Variants in PLD5 observed in about 807,000 individuals in gnomAD.
The protein encoded by PLD5 is phospholipase D family member 5.
Under a neutral mutation model 61.1 loss-of-function variants are expected in PLD5, and 36 were observed. The observed-to-expected ratio is 0.59, with a 90% CI of 0.45 to 0.78. The LOEUF (loss-of-function observed/expected upper bound fraction) is 0.78, where lower values mean the gene tolerates loss of function less well. PLD5 is among the 30% of genes least tolerant of loss of function. PLD5 has a pLI of 0.00. For synonymous variants in PLD5, 243 were observed against 242.8 expected, an observed-to-expected ratio of 1.00 and a Z score of -0.01; for missense variants, 515 against 644.4, an observed-to-expected ratio of 0.80 and a Z score of 2.17.
chr1:242,184,693 T>G lies in PLD5; in HGVS notation c.735+35295A>C, dbSNP rs114499252. On this transcript the variant is annotated intron_variant, in intron 5 of 9. Coordinates refer to ENST00000536534, the MANE Select transcript of PLD5 (RefSeq NM_001372062.1). ...TCAGTTGTCTTCTGACTCTGAGAAGTTAAGATTCAACTGATTTTTAAACTT... is the reference window on the plus strand; with the variant it reads ...TCAGTTGTCTTCTGACTCTGAGAAGGTAAGATTCAACTGATTTTTAAACTT... Among the ~76,000 whole-genome samples, 406 of 152,352 alleles carry G rather than the reference T, an allele frequency of 2.7e-3. 1 individual carries two copies. Among genetic ancestry groups the G allele is most frequent in the Non-Finnish European group, 4.5e-3 (307 of 68,032 alleles).
chr1:242,294,949 G>A (rs1675566196), intron 2 of PLD5, among the ~76,000 whole-genome samples: 2 of 152,130 alleles, frequency 1.3e-5, no homozygotes, highest in Admixed American at 1.3e-4. Flanking sequence ...CTAATGCACT[G>A]GATCAGTTAT....
chr1:242,413,226 T>C (rs1392220774), intron 1 of PLD5, among the ~76,000 whole-genome samples: 1 of 152,164 alleles, frequency 6.6e-6, no homozygotes, highest in African/African-American at 2.4e-5. Context: ...AAAATGCTCT[T>C]TCTTTTTGAG....
At chr1:242,370,770 T>A (rs1571996455) in intron 1 of PLD5, among the ~76,000 whole-genome samples, 1 of 152,096 alleles carries the variant, frequency 6.6e-6, no homozygotes, top group East Asian at 1.9e-4. Flanking sequence ...TCTATCCCCC[T>A]CCCCTATATT....
At chr1:242,164,752 C>T (rs1666177821) in intron 5 of PLD5, among the ~76,000 whole-genome samples, 1 of 152,174 alleles carries the variant, frequency 6.6e-6, no homozygotes, top group African/African-American at 2.4e-5. Flanking sequence ...CCTAAGTTAT[C>T]TCACTTGAGC....
In PLD5 at chr1:242,174,577, C is replaced by T. The variant is rs141469669; in HGVS notation, c.735+45411G>A. Among the ~76,000 whole-genome samples, 508 of 152,302 alleles carry T rather than the reference C, an allele frequency of 3.3e-3. 19 individuals are homozygous for T. In the East Asian group the frequency reaches 0.06, roughly 18 times the overall value. The stretch of plus-strand genomic sequence containing the variant: ...TGTACCCAAAGGATTATAAATCATG[C>T]TACTATAAAGACACATGCGCATGTA... On this transcript the variant is annotated intron_variant, in intron 5 of 9. Transcript: ENST00000536534.
intron 1 of PLD5, among the ~76,000 whole-genome samples, chr1:242,454,580 A>G (rs1478036531): frequency 6.6e-6 from 1 of 152,192 alleles, no homozygotes; most frequent in African/African-American, 2.4e-5. Flanking sequence ...GACACAGGGG[A>G]AAACATATTT....
intron 1 of PLD5, among the ~76,000 whole-genome samples, chr1:242,424,647 T>C (rs6657483): frequency 0.44 from 66,706 of 151,808 alleles, 15,631 homozygotes; most frequent in African/African-American, 0.61. Flanking sequence ...CCAAATTGGG[T>C]TTCCTCTCTG....
intron 5 of PLD5, among the ~76,000 whole-genome samples, chr1:242,176,264 C>A (rs1032855548): frequency 1.3e-4 from 20 of 152,000 alleles, no homozygotes; most frequent in African/African-American, 4.1e-4. Context: ...CAGAACAGAG[C>A]CCTCAGAAAT....
intron 1 of PLD5, among the ~76,000 whole-genome samples, chr1:242,404,834 T>C (rs1199082770): frequency 1.3e-5 from 2 of 150,812 alleles, no homozygotes; most frequent in Admixed American, 6.6e-5. Context: ...ATTATTGCAA[T>C]TGCTCTATGT....
chr1:242,101,573 C>A (rs1417886699), intron 8 of PLD5, among the ~76,000 whole-genome samples: 1 of 152,122 alleles, frequency 6.6e-6, no homozygotes, highest in Non-Finnish European at 1.5e-5. Flanking sequence ...TCAGGTATCC[C>A]CTATATGGGA....
At chr1:242,251,179 T>A (rs2754392) in intron 4 of PLD5, among the ~76,000 whole-genome samples, 53 of 152,152 alleles carry the variant, frequency 3.5e-4, no homozygotes, top group African/African-American at 1.3e-3. Flanking sequence ...GCCTGGAACT[T>A]AGGAAAAACA....
At chr1:242,182,719 C>T (rs1189618518) in intron 5 of PLD5, among the ~76,000 whole-genome samples, 3 of 151,942 alleles carry the variant, frequency 2.0e-5, no homozygotes, top group South Asian at 2.1e-4. Context: ...GGCACACGCC[C>T]GAAATCCCAG....
chr1:242,371,570 C>T (rs899265676), intron 1 of PLD5, among the ~76,000 whole-genome samples: 1 of 152,036 alleles, frequency 6.6e-6, no homozygotes, highest in Admixed American at 6.6e-5. Context: ...CTTTATTTAT[C>T]CCTTCACCAC....
rs191229141 is a variant in PLD5 at position 242,117,347 on chromosome 1, G to T, written c.934-3321C>A. Among the ~76,000 whole-genome samples, 81 of 151,126 alleles carry T rather than the reference G, an allele frequency of 5.4e-4. 3 individuals carry two copies. In the South Asian group the frequency reaches 0.015, roughly 29 times the overall value. ...TGTCTATCAAAGTCCTACTAATTCT[G>T]TTCTCTGAATTCCAGCTCAAATGTG... On this transcript the variant is annotated intron_variant, in intron 6 of 9. Coordinates refer to ENST00000536534, the MANE Select transcript of PLD5 (RefSeq NM_001372062.1).
At chr1:242,522,743 G>A (rs751579583) in intron 1 of PLD5, among the ~76,000 whole-genome samples, 11 of 152,174 alleles carry the variant, frequency 7.2e-5, no homozygotes, top group Non-Finnish European at 1.0e-4. Context: ...TCTGGAGAGG[G>A]CATGTTTAAT....
intron 4 of PLD5, among the ~76,000 whole-genome samples, chr1:242,262,699 G>A (rs547379137): frequency 1.8e-4 from 27 of 152,254 alleles, no homozygotes; most frequent in African/African-American, 5.1e-4. Flanking sequence ...TGTGGCGTAC[G>A]AGAGCGTGGA....
intron 3 of PLD5, among the ~76,000 whole-genome samples, chr1:242,271,563 G>C (rs1271113104): frequency 2.0e-5 from 3 of 152,064 alleles, no homozygotes; most frequent in Non-Finnish European, 2.9e-5. Flanking sequence ...GCAAGTACAT[G>C]GTTGTATAGC....
At chr1:242,478,427 G>C (rs563155341) in intron 1 of PLD5, among the ~76,000 whole-genome samples, 18 of 152,274 alleles carry the variant, frequency 1.2e-4, no homozygotes, top group African/African-American at 4.3e-4. Flanking sequence ...GAATAGGAGA[G>C]AGGTGACTGA....
At chr1:242,424,446 T>A (rs1301456925) in intron 1 of PLD5, among the ~76,000 whole-genome samples, 1 of 152,160 alleles carries the variant, frequency 6.6e-6, no homozygotes, top group Non-Finnish European at 1.5e-5. Flanking sequence ...CGCCCAGATT[T>A]TTTCTCTGGC....
Sources: allele counts gnomAD v4.1 joint callset (sites outside exome capture counted in the v4.1 genomes callset), GRCh38; gene constraint gnomAD v4.1.1; transcripts MANE v1.5; gene names NCBI Gene and HGNC (gene_info 2026-07-23, HGNC 2026-07-21).